The following GLIS1 variants were observed in gnomAD, a reference collection of about 807,000 sequenced individuals.
GLIS1 encodes GLIS family zinc finger 1, also known as zinc finger protein GLIS1.
Under a neutral mutation model 63.8 loss-of-function variants are expected in GLIS1, and 24 were observed. That is an observed-to-expected ratio of 0.38 (90% confidence interval 0.27 to 0.53). The LOEUF is 0.53. Ranked by LOEUF, GLIS1 falls within the 20% of genes least tolerant of loss-of-function variation. The pLI is 0.85. For missense variants in GLIS1, 1,036 were observed against 1,074.1 expected (o/e 0.96, Z 0.50); for synonymous variants, 450 against 482.5 (o/e 0.93, Z 0.88).
intron 2 of GLIS1, among the ~76,000 whole-genome samples, chr1:53,645,074 C>T (rs550620395): frequency 3.3e-5 from 5 of 152,210 alleles, no homozygotes; most frequent in Non-Finnish European, 5.9e-5. Flanking sequence ...CAAACGCACG[C>T]CAGCCACACC....
At chr1:53,643,752 GA>G (rs368322350) in intron 2 of GLIS1, among the ~76,000 whole-genome samples, 43 of 152,306 alleles carry the variant, frequency 2.8e-4, no homozygotes, top group African/African-American at 9.9e-4. Flanking sequence ...GGGGTTAACT[GA>G]GAAGCCTGTG....
intron 10 of GLIS1, among the ~76,000 whole-genome samples, 162 bp from the exon 11 acceptor site, chr1:53,506,938 T>C (rs947185213): frequency 1.3e-5 from 2 of 152,002 alleles, no homozygotes; most frequent in African/African-American, 2.4e-5. Context: ...ATGGGGGAGC[T>C]GGCCGCTGGG....
At chr1:53,602,721 T>C (rs1243281473) in intron 2 of GLIS1, among the ~76,000 whole-genome samples, 1 of 152,158 alleles carries the variant, frequency 6.6e-6, no homozygotes, top group Non-Finnish European at 1.5e-5. Context: ...TTGAGCAGGC[T>C]TGGGGGTCTG....
intron 2 of GLIS1, among the ~76,000 whole-genome samples, chr1:53,628,495 G>A (rs1379651600): frequency 6.6e-6 from 1 of 152,190 alleles, no homozygotes; most frequent in Non-Finnish European, 1.5e-5. Flanking sequence ...GTGCACCAGA[G>A]TGCGTTCGCC....
chr1:53,524,129 C>A (rs1316039567), intron 6 of GLIS1, among the ~76,000 whole-genome samples: 1 of 152,264 alleles, frequency 6.6e-6, no homozygotes, highest in African/African-American at 2.4e-5. Flanking sequence ...CTGTCTAAAG[C>A]AAGTCCTTTT....
chr1:53,649,547 T>C (rs746709721), intron 2 of GLIS1, among the ~76,000 whole-genome samples: 10 of 152,184 alleles, frequency 6.6e-5, no homozygotes, highest in Non-Finnish European at 1.5e-4. Context: ...ATAGGACCCA[T>C]ATGAACTGCC....
At chr1:53,569,638 A>G (rs115038845) in intron 4 of GLIS1, among the ~76,000 whole-genome samples, 1,698 of 152,274 alleles carry the variant, frequency 0.011, 38 homozygotes, top group African/African-American at 0.039. Context: ...AAGTATAAAA[A>G]TTGAAAAGGA....
intron 4 of GLIS1, among the ~76,000 whole-genome samples, chr1:53,581,031 A>G (rs1645079804): frequency 6.6e-6 from 1 of 151,364 alleles, no homozygotes; most frequent in Non-Finnish European, 1.5e-5. Context: ...GAACCTGGAT[A>G]AGAACGCCTC....
intron 2 of GLIS1, among the ~76,000 whole-genome samples, chr1:53,729,268 C>T (rs760295589): frequency 6.6e-6 from 1 of 152,128 alleles, no homozygotes; most frequent in African/African-American, 2.4e-5. Context: ...CTCACCAAGC[C>T]GCTCGATCTG....
chr1:53,664,151 C>T (rs905439295), intron 2 of GLIS1, among the ~76,000 whole-genome samples: 12 of 152,202 alleles, frequency 7.9e-5, no homozygotes, highest in African/African-American at 2.7e-4. Context: ...GAAAGCCTGG[C>T]ACATCAGAGA....
intron 2 of GLIS1, among the ~76,000 whole-genome samples, chr1:53,600,966 AC>A (rs1645311296): frequency 6.6e-6 from 1 of 152,230 alleles, no homozygotes; most frequent in South Asian, 2.1e-4. Context: ...CTGAAAAACC[AC>A]ATAAAGTGTA....
intron 2 of GLIS1, among the ~76,000 whole-genome samples, chr1:53,707,527 G>A (rs1646592482): frequency 6.6e-6 from 1 of 152,074 alleles, no homozygotes; most frequent in Non-Finnish European, 1.5e-5. Context: ...GTGTGCGCCT[G>A]TAGTCCCAGC....
rs574699495 is a variant in GLIS1 at position 53,559,612 on chromosome 1, G to C, written c.1321-29660C>G. 7.5e-4 allele frequency among the ~76,000 whole-genome samples: 114 copies of C among 152,256 alleles called. 1 individual carries two copies. In the Middle Eastern group the frequency reaches 0.01, roughly 14 times the overall value. Reference sequence around the variant, plus strand: ...TGCGGCTCTGCTCCCCCTCAGGGTCGAGCCCAGCCGCTGCAATGCGGGACA... The same window carrying C: ...TGCGGCTCTGCTCCCCCTCAGGGTCCAGCCCAGCCGCTGCAATGCGGGACA... On this transcript the variant is annotated intron_variant, in intron 4 of 10. Transcript: ENST00000628545.
chr1:53,704,220 C>T (rs767800701), intron 2 of GLIS1, among the ~76,000 whole-genome samples: 1 of 152,248 alleles, frequency 6.6e-6, no homozygotes, highest in African/African-American at 2.4e-5. Context: ...TCTCCCAGGA[C>T]CACCGTGTCA....
intron 2 of GLIS1, among the ~76,000 whole-genome samples, chr1:53,704,826 C>T (rs1646560933): frequency 6.6e-6 from 1 of 152,194 alleles, no homozygotes; most frequent in African/African-American, 2.4e-5. Context: ...TTAAAGGAGA[C>T]AACTGCTCTC....
chr1:53,611,472 T>C (rs972193045), intron 2 of GLIS1, among the ~76,000 whole-genome samples: 5 of 152,244 alleles, frequency 3.3e-5, no homozygotes, highest in Non-Finnish European at 7.3e-5. Context: ...TTCTCCCTCT[T>C]GGTCCTGTCT....
At chr1:53,692,847 A>T (rs1450961353) in intron 2 of GLIS1, among the ~76,000 whole-genome samples, 1 of 152,208 alleles carries the variant, frequency 6.6e-6, no homozygotes, top group Non-Finnish European at 1.5e-5. Flanking sequence ...TCTGGATGGT[A>T]GGCACCGCCA....
At chr1:53,727,289 G>A (rs1259554423) in intron 2 of GLIS1, among the ~76,000 whole-genome samples, 1 of 152,216 alleles carries the variant, frequency 6.6e-6, no homozygotes, top group Non-Finnish European at 1.5e-5. Flanking sequence ...GGTGCCCAGA[G>A]AAGGGCCATG....
intron 2 of GLIS1, among the ~76,000 whole-genome samples, chr1:53,711,917 A>G (rs1478881525): frequency 6.6e-6 from 1 of 152,144 alleles, no homozygotes; most frequent in Non-Finnish European, 1.5e-5. Flanking sequence ...GGGCCTGATG[A>G]TCCCTACAGG....
Sources: gnomAD v4.1 joint callset for allele counts (sites outside exome capture counted in the v4.1 genomes callset) on GRCh38, gnomAD v4.1.1 for gene constraint, MANE v1.5 for transcripts, NCBI Gene and HGNC (gene_info 2026-07-23, HGNC 2026-07-21) for gene names.